The following SDK1 variants were observed in gnomAD, a reference collection of about 807,000 sequenced individuals.
The protein encoded by SDK1 is sidekick cell adhesion molecule 1, also known as protein sidekick-1.
A neutral mutation model predicts 245.5 loss-of-function variants in SDK1; 157 were observed. The ratio of observed to expected loss-of-function variants is 0.64; its 90% CI spans 0.56 to 0.73. The LOEUF (loss-of-function observed/expected upper bound fraction) is 0.73, where lower values mean the gene tolerates loss of function less well. Ranked by LOEUF, SDK1 falls within the 30% of genes least tolerant of loss-of-function variation. The pLI is 0.00. For missense variants in SDK1, 3,583 were observed against 3,002.3 expected (o/e 1.19, Z -4.52); for synonymous variants, 1,647 against 1,278.5 (o/e 1.29, Z -6.15).
At chr7:3,330,503 C>A (rs1780040330) in intron 1 of SDK1, among the ~76,000 whole-genome samples, 1 of 152,034 alleles carries the variant, frequency 6.6e-6, no homozygotes, top group Non-Finnish European at 1.5e-5. Context: ...AGACTGTTGG[C>A]TTTGTAAGAA....
chr7:3,321,100 A>C (rs556337229), intron 1 of SDK1, among the ~76,000 whole-genome samples: 3 of 152,350 alleles, frequency 2.0e-5, no homozygotes, highest in Non-Finnish European at 2.9e-5. Context: ...GGGCTTATCA[A>C]CTGAAGGCTC....
chr7:3,661,664 T>A (rs894720835), intron 4 of SDK1, among the ~76,000 whole-genome samples: 3 of 152,236 alleles, frequency 2.0e-5, no homozygotes, highest in African/African-American at 7.2e-5. Context: ...TTTTCCATTA[T>A]TTTGCTGTTT....
At chr7:4,195,953 C>T (rs953863241) in intron 35 of SDK1, among the ~76,000 whole-genome samples, 6 of 152,212 alleles carry the variant, frequency 3.9e-5, no homozygotes, top group South Asian at 2.1e-4. Context: ...ACCACACCCA[C>T]GCATTACATA....
chr7:3,826,397 T>G (rs1779776056), intron 5 of SDK1, among the ~76,000 whole-genome samples: 1 of 152,182 alleles, frequency 6.6e-6, no homozygotes, highest in Admixed American at 6.5e-5. Flanking sequence ...CAATCTAGTT[T>G]TTTGGAAAAA....
At chr7:4,115,675 C>T (rs188281319) in intron 25 of SDK1, among the ~76,000 whole-genome samples, 2 of 152,274 alleles carry the variant, frequency 1.3e-5, no homozygotes, top group East Asian at 3.9e-4. Flanking sequence ...TGGCCAGGGC[C>T]TGCCCACAGC....
rs372132204 is a variant in SDK1, at chr7:4,084,632, A to G, written c.3324+5048A>G. ...TCATGAGTTCATACTGACGTTTCCA[A>G]TGAAATTTCAGGTTACTGACCTTAA... On this transcript the variant is annotated intron_variant, in intron 22 of 44. Transcript: ENST00000404826. Among the ~76,000 whole-genome samples, 369 of 152,160 alleles carry G rather than the reference A, an allele frequency of 2.4e-3. 1 individual carries two copies. The highest frequency in any genetic ancestry group is 7.1e-3 in the African/African-American group (296 of 41,502).
At chr7:4,194,605 A>G (rs1783474907) in intron 35 of SDK1, among the ~76,000 whole-genome samples, 1 of 152,080 alleles carries the variant, frequency 6.6e-6, no homozygotes, top group Non-Finnish European at 1.5e-5. Flanking sequence ...AACAACTTGG[A>G]GTCTGATATT....
intron 5 of SDK1, among the ~76,000 whole-genome samples, chr7:3,906,898 G>A (rs1778966611): frequency 6.6e-6 from 1 of 152,062 alleles, no homozygotes; most frequent in African/African-American, 2.4e-5. Context: ...CCGAAGTGCT[G>A]GGATGGCAGG....
intron 4 of SDK1, among the ~76,000 whole-genome samples, chr7:3,701,924 CAAAAA>C (rs58687135): frequency 3.5e-5 from 3 of 85,680 alleles, no homozygotes; most frequent in Non-Finnish European, 5.0e-5. Flanking sequence ...CGTGCATAAG[CAAAAA>C]AAAAAAAAAA....
chr7:4,001,958 T>G (rs952546615), intron 14 of SDK1, among the ~76,000 whole-genome samples: 42 of 152,358 alleles, frequency 2.8e-4, no homozygotes, highest in African/African-American at 9.6e-4. Flanking sequence ...GTTTCATGCC[T>G]GAATAGAGTC....
At chr7:3,403,859 A>T (rs1357777482) in intron 1 of SDK1, among the ~76,000 whole-genome samples, 4 of 104,136 alleles carry the variant, frequency 3.8e-5, no homozygotes, top group African/African-American at 1.8e-4. Context: ...ATATATATAT[A>T]TATATATATA....
intron 20 of SDK1, among the ~76,000 whole-genome samples, chr7:4,073,760 C>G (rs554939257): frequency 5.3e-5 from 8 of 152,150 alleles, no homozygotes; most frequent in Admixed American, 1.3e-4. Flanking sequence ...AGCAGGGTCT[C>G]GTGCACCATG....
At chr7:4,070,153 C>T (rs1780158002) in intron 20 of SDK1, among the ~76,000 whole-genome samples, 2 of 152,200 alleles carry the variant, frequency 1.3e-5, no homozygotes, top group Non-Finnish European at 2.9e-5. Context: ...AAATACTACA[C>T]AGTAGTTGAA....
chr7:3,323,014 C>G lies in SDK1; in HGVS notation c.298+21130C>G, dbSNP rs956480017. 3.3e-5 allele frequency among the ~76,000 whole-genome samples: 5 copies of G among 152,102 alleles called. No homozygotes were observed. The South Asian group carries it at 8.3e-4, about 25-fold the overall frequency. On this transcript the variant is annotated intron_variant, in intron 1 of 44. Coordinates refer to ENST00000404826, the MANE Select transcript of SDK1 (RefSeq NM_152744.4). The stretch of plus-strand genomic sequence containing the variant: ...TTTTTGTTTTGCCATGTTGCCGAGG[C>G]TCGTCTCAAACTCCTGGACCCAAGC...
At chr7:3,389,042 G>C (rs183341804) in intron 1 of SDK1, among the ~76,000 whole-genome samples, 3 of 152,300 alleles carry the variant, frequency 2.0e-5, no homozygotes, top group East Asian at 1.9e-4. Context: ...GTTTGGAAAG[G>C]CCTCTCAGGA....
rs141233488 is a variant in SDK1 at position 3,524,204 on chromosome 7, T to A, written c.299-94876T>A. 4.7e-3 allele frequency among the ~76,000 whole-genome samples: 722 copies of A among 152,092 alleles called. 9 individuals are homozygous for A. Among genetic ancestry groups the A allele is most frequent in the African/African-American group, 0.016 (683 of 41,482 alleles). ...ATTGCTTGAGGTATGAGAGGTGAGG[T>A]CAGGGGCACCAGTTTGTATAGGGCT... On this transcript the variant is annotated intron_variant, in intron 1 of 44. Coordinates refer to ENST00000404826, the MANE Select transcript of SDK1 (RefSeq NM_152744.4).
intron 28 of SDK1, 62 bp from the exon 29 acceptor site, chr7:4,145,660 A>G: frequency 1.4e-6 from 2 of 1,461,806 alleles, no homozygotes; most frequent in Non-Finnish European, 1.9e-6. Flanking sequence ...GTGTGGGCAC[A>G]GGGCTTCCCT....
intron 14 of SDK1, among the ~76,000 whole-genome samples, chr7:3,996,240 C>T (rs1015157336): frequency 1.3e-5 from 2 of 152,040 alleles, no homozygotes; most frequent in Non-Finnish European, 2.9e-5. Flanking sequence ...TATTTAGTTC[C>T]ATTGATTCAT....
intron 17 of SDK1, among the ~76,000 whole-genome samples, chr7:4,036,827 C>A (rs950175858): frequency 1.3e-5 from 2 of 152,170 alleles, no homozygotes; most frequent in Non-Finnish European, 2.9e-5. Flanking sequence ...TCTTGGCCAT[C>A]CCAGCTTGCA....
Sources: gnomAD v4.1 joint callset for allele counts (sites outside exome capture counted in the v4.1 genomes callset) on GRCh38, gnomAD v4.1.1 for gene constraint, MANE v1.5 for transcripts, NCBI Gene and HGNC (gene_info 2026-07-23, HGNC 2026-07-21) for gene names.